Variants in UCK2 observed in about 807,000 individuals in gnomAD.
UCK2 encodes uridine-cytidine kinase 2, also known as cytidine monophosphokinase 2.
In UCK2, 6 loss-of-function variants were observed where a neutral mutation model predicts 30.8. The ratio of observed to expected loss-of-function variants is 0.19; its 90% CI spans 0.11 to 0.38. The LOEUF is 0.38. Ranked by LOEUF, UCK2 falls within the 10% of genes least tolerant of loss-of-function variation. The pLI is 1.00. For missense variants in UCK2, 210 were observed against 339.8 expected (o/e 0.62, Z 3.00); for synonymous variants, 125 against 133.6 (o/e 0.94, Z 0.45).
chr1:165,833,373 T>C (rs1195257981), intron 1 of UCK2, among the ~76,000 whole-genome samples: 4 of 152,126 alleles, frequency 2.6e-5, no homozygotes, highest in Non-Finnish European at 4.4e-5. Context: ...GCCAAGGATG[T>C]CCGCATTTGC....
chr1:165,836,456 G>C (rs2101849422), intron 1 of UCK2, among the ~76,000 whole-genome samples: 1 of 152,176 alleles, frequency 6.6e-6, no homozygotes, highest in East Asian at 1.9e-4. Context: ...GTTATATGAA[G>C]GTCACTTAGA....
chr1:165,880,218 C>T (rs1041508996), intron 1 of UCK2, among the ~76,000 whole-genome samples: 8 of 152,250 alleles, frequency 5.3e-5, no homozygotes, highest in Admixed American at 2.6e-4. Context: ...AGTCAGCTTT[C>T]GTTTTGTGTC....
chr1:165,832,832 C>T (rs1045345684), intron 1 of UCK2, among the ~76,000 whole-genome samples: 3 of 152,080 alleles, frequency 2.0e-5, no homozygotes, highest in Non-Finnish European at 4.4e-5. Context: ...ACCTCATGAT[C>T]CGCCTCAGCC....
chr1:165,906,980 T>C (rs959329738), intron 6 of UCK2, among the ~76,000 whole-genome samples: 1 of 152,240 alleles, frequency 6.6e-6, no homozygotes, highest in African/African-American at 2.4e-5. Flanking sequence ...ATCTTTTGTT[T>C]TTTAAGACAT....
intron 1 of UCK2, among the ~76,000 whole-genome samples, chr1:165,851,023 C>G (rs1217883194): frequency 2.0e-5 from 3 of 150,606 alleles, no homozygotes; most frequent in Non-Finnish European, 4.4e-5. Context: ...TTTGCCCTCC[C>G]AGAGTGCTGG....
intron 1 of UCK2, among the ~76,000 whole-genome samples, chr1:165,867,039 A>C (rs1030809100): frequency 2.0e-5 from 3 of 152,236 alleles, no homozygotes; most frequent in Non-Finnish European, 4.4e-5. Flanking sequence ...AGTGTCACAC[A>C]ATTTTTTGTT....
chr1:165,843,558 A>G (rs1654379576), intron 1 of UCK2, among the ~76,000 whole-genome samples: 1 of 152,148 alleles, frequency 6.6e-6, no homozygotes, highest in Non-Finnish European at 1.5e-5. Context: ...CAGGAGGATC[A>G]CTTGAGGCCA....
chr1:165,896,476 C>A, intron 4 of UCK2, 144 bp downstream of exon 4: 1 of 891,610 alleles, frequency 1.1e-6, no homozygotes, highest in Non-Finnish European at 1.7e-6. Context: ...TCCAGCCCGG[C>A]TGCGTCAGTC....
rs575993674 is a variant in UCK2 at position 165,909,641 on chromosome 1, C to T, written c.*1818C>T. 4.6e-5 allele frequency: 7 copies of T among 152,434 alleles called. No individual in the cohort carries two copies. The highest frequency in any genetic ancestry group is 3.4e-3 in the Middle Eastern group (1 of 294). The allele number at this position is 152,434 out of a possible 1,614,324, so 9.4% of individuals were successfully genotyped here. A position where few individuals can be genotyped will look rare whatever the true frequency, so the allele number is the denominator to read the frequency against. On this transcript the variant is annotated 3_prime_UTR_variant, in exon 7 of 7. Coordinates refer to ENST00000367879, the MANE Select transcript of UCK2 (RefSeq NM_012474.5). ...AGGGAGCTCCCAGTCACAGCAGCCG[C>T]CTACTTGGAGCAAGGGAAGGCTCCC...
At chr1:165,875,268 A>G (rs1032232736) in intron 1 of UCK2, among the ~76,000 whole-genome samples, 1 of 152,192 alleles carries the variant, frequency 6.6e-6, no homozygotes, top group Non-Finnish European at 1.5e-5. Flanking sequence ...GTTGCCCGAG[A>G]TATCACTGGT....
chr1:165,836,534 T>A (rs1479750073), intron 1 of UCK2, among the ~76,000 whole-genome samples: 2 of 152,188 alleles, frequency 1.3e-5, no homozygotes, highest in Non-Finnish European at 2.9e-5. Context: ...AGCTTGCCAT[T>A]CATCTCCTCT....
intron 1 of UCK2, among the ~76,000 whole-genome samples, chr1:165,844,515 T>C (rs1030431377): frequency 6.6e-6 from 1 of 152,224 alleles, no homozygotes; most frequent in African/African-American, 2.4e-5. Context: ...ACAGAGCTCC[T>C]AAATCCCTTA....
intron 4 of UCK2, among the ~76,000 whole-genome samples, chr1:165,897,068 C>T (rs905421291): frequency 1.3e-5 from 2 of 152,192 alleles, no homozygotes; most frequent in Non-Finnish European, 2.9e-5. Flanking sequence ...ACGCTATAGG[C>T]AACCCATGAA....
At chr1:165,861,652 AAAAAAAAC>A (rs1308430012) in intron 1 of UCK2, among the ~76,000 whole-genome samples, 8,749 of 134,178 alleles carry the variant, frequency 0.065, 1,935 homozygotes, top group Non-Finnish European at 0.075. Context: ...AAAAAAAACA[AAAAAAAAC>A]AACAGTAAAA....
At position 165,890,311 on chromosome 1, in the gene UCK2, C is replaced by G; in HGVS notation, c.207C>G (p.Thr69=). The G allele has an allele frequency of 1.2e-6, 2 of 1,614,086 alleles. No individual in the cohort carries two copies. The highest frequency in any genetic ancestry group is 1.3e-5 in the African/African-American group (1 of 74,996). The change falls in exon 2 of 7, where the codon ACC becomes ACG. Residue 69 remains threonine (T), a synonymous_variant. Coordinates refer to ENST00000367879, the MANE Select transcript of UCK2 (RefSeq NM_012474.5). ...AGGATAGCTTCTACCGTGTCCTTACCTCGGAGCAGAAGGCCAAAGCCCTGA... is the reference window on the plus strand; with the variant it reads ...AGGATAGCTTCTACCGTGTCCTTACGTCGGAGCAGAAGGCCAAAGCCCTGA... ...LSQDSFYRVL[T]SEQKAKALKG...
At chr1:165,853,356 ATT>A (rs373561365) in intron 1 of UCK2, among the ~76,000 whole-genome samples, 31 of 149,924 alleles carry the variant, frequency 2.1e-4, no homozygotes, top group African/African-American at 6.4e-4. Context: ...CATATTTGAT[ATT>A]TTTTTTTTTG....
At chr1:165,881,083 G>T (rs542552294) in intron 1 of UCK2, among the ~76,000 whole-genome samples, 1 of 149,040 alleles carries the variant, frequency 6.7e-6, no homozygotes, top group Non-Finnish European at 1.5e-5. Flanking sequence ...TGAGGCAGAC[G>T]AATTGTTTGA....
At position 165,891,245 on chromosome 1, in the gene UCK2, C is replaced by T. The variant is rs1278798196; in HGVS notation, c.279C>T (p.Leu93=). 5.0e-6 allele frequency: 8 copies of T among 1,614,140 alleles called. No homozygotes were observed. The highest frequency in any genetic ancestry group is 6.8e-6 in the Non-Finnish European group (8 of 1,179,994). Residue 93 remains leucine (L), a synonymous_variant, in exon 3 of 7, where the codon CTC becomes CTT. Coordinates refer to ENST00000367879, the MANE Select transcript of UCK2 (RefSeq NM_012474.5). ...FDHPDAFDNE[L]ILKTLKEITE... is the part of the protein sequence containing the mutation. The stretch of plus-strand genomic sequence containing the variant: ...TTTCAGATGCCTTTGACAATGAACT[C>T]ATTCTCAAAACACTCAAAGAAATCA...
At chr1:165,859,038 G>A (rs982717166) in intron 1 of UCK2, among the ~76,000 whole-genome samples, 3 of 152,200 alleles carry the variant, frequency 2.0e-5, no homozygotes, top group East Asian at 1.9e-4. Context: ...TTGAATAACC[G>A]TGTGTTTTGA....
Sources: allele counts gnomAD v4.1 joint callset (sites outside exome capture counted in the v4.1 genomes callset), GRCh38; gene constraint gnomAD v4.1.1; transcripts MANE v1.5; gene names NCBI Gene and HGNC (gene_info 2026-07-23, HGNC 2026-07-21).